Variants in GRM8 observed in about 807,000 individuals in gnomAD.
The protein encoded by GRM8 is metabotropic glutamate receptor 8.
GRM8 carries 47 observed loss-of-function variants against 87.2 expected under a neutral mutation model. That is an observed-to-expected ratio of 0.54 (90% CI 0.43 to 0.69). The LOEUF is 0.69. GRM8 is among the 30% of genes least tolerant of loss of function. The probability of loss-of-function intolerance (pLI) is 0.00; values close to 1 mark genes in which losing one functional copy is unlikely to be tolerated. For synonymous variants in GRM8, 396 were observed against 404.5 expected (o/e 0.98, Z 0.25); for missense variants, 1,019 against 1,139.2 (o/e 0.89, Z 1.52).
intron 6 of GRM8, among the ~76,000 whole-genome samples, chr7:126,800,230 T>A (rs1001547114): frequency 6.6e-6 from 1 of 152,098 alleles, no homozygotes; most frequent in South Asian, 2.1e-4. Flanking sequence ...TCTCATCATA[T>A]CCTAATGCAT....
chr7:126,847,475 T>A (rs751495303), intron 6 of GRM8, among the ~76,000 whole-genome samples: 11 of 152,150 alleles, frequency 7.2e-5, no homozygotes, highest in Non-Finnish European at 7.4e-5. Context: ...AGTAGATAGA[T>A]CATCCCTGTT....
intron 2 of GRM8, among the ~76,000 whole-genome samples, chr7:127,132,173 A>C (rs1827724050): frequency 6.6e-6 from 1 of 152,162 alleles, no homozygotes; most frequent in Non-Finnish European, 1.5e-5. Flanking sequence ...TGTTAGAAAA[A>C]ATAAAGTTAA....
intron 3 of GRM8, among the ~76,000 whole-genome samples, chr7:127,092,653 G>A (rs572861727): frequency 6.6e-6 from 1 of 152,330 alleles, no homozygotes; most frequent in South Asian, 2.1e-4. Context: ...ATTGCAGTGA[G>A]CCAAGGTTGT....
rs74879640 is a variant in GRM8 at position 126,805,437 on chromosome 7, G to A, written c.1157-35372C>T. Among the ~76,000 whole-genome samples the A allele has an allele frequency of 6.0e-3, 920 of 152,298 alleles. 8 individuals are homozygous for A. The highest frequency in any genetic ancestry group is 0.021 in the African/African-American group (881 of 41,554). On this transcript the variant is annotated intron_variant, in intron 6 of 10. Transcript: ENST00000339582. Reference sequence around the variant, plus strand: ...GATGGTGGCTGATTCCCTTGCTGTAGCAAGCTGTGTGTGAATACCTCCACT... The same window carrying A: ...GATGGTGGCTGATTCCCTTGCTGTAACAAGCTGTGTGTGAATACCTCCACT...
In GRM8 at chr7:126,566,855, G is replaced by T. The variant is rs144563463; in HGVS notation, c.1495-32968C>A. On this transcript the variant is annotated intron_variant, in intron 8 of 10. Transcript: ENST00000339582. ...TGAAATATTATTTATCTTTTTTAAAGAGGAAATTCCGCAATATGTGACAAC... is the reference window on the plus strand; with the variant it reads ...TGAAATATTATTTATCTTTTTTAAATAGGAAATTCCGCAATATGTGACAAC... Among the ~76,000 whole-genome samples the T allele has an allele frequency of 4.0e-3, 607 of 152,258 alleles. 3 individuals carry two copies. The highest frequency in any genetic ancestry group is 6.0e-3 in the Non-Finnish European group (407 of 68,002).
chr7:126,657,748 T>C (rs149332168), intron 7 of GRM8, among the ~76,000 whole-genome samples: 2 of 152,354 alleles, frequency 1.3e-5, no homozygotes, highest in African/African-American at 4.8e-5. Context: ...GGGAATGTAC[T>C]TGAACCTTTG....
At chr7:126,490,040 A>C (rs1563064014) in intron 9 of GRM8, among the ~76,000 whole-genome samples, 1 of 151,996 alleles carries the variant, frequency 6.6e-6, no homozygotes, top group South Asian at 2.1e-4. Flanking sequence ...GAGTGACACC[A>C]TTGCCCACTG....
At chr7:126,927,344 C>T (rs1490221411) in intron 3 of GRM8, among the ~76,000 whole-genome samples, 1 of 151,896 alleles carries the variant, frequency 6.6e-6, no homozygotes, top group African/African-American at 2.4e-5. Context: ...ACTATGTCGA[C>T]TAGGTTGGTT....
chr7:126,720,443 TA>T (rs1585657600), intron 7 of GRM8, among the ~76,000 whole-genome samples: 1 of 152,178 alleles, frequency 6.6e-6, no homozygotes, highest in East Asian at 1.9e-4. Flanking sequence ...AGTTGCCTCT[TA>T]AATGAATAAG....
At chr7:126,644,416 G>A (rs558484413) in intron 7 of GRM8, among the ~76,000 whole-genome samples, 5 of 152,218 alleles carry the variant, frequency 3.3e-5, no homozygotes, top group African/African-American at 7.2e-5. Flanking sequence ...GTCTGATGCC[G>A]TGACCATATG....
chr7:126,636,435 A>C (rs1045407587), intron 7 of GRM8, among the ~76,000 whole-genome samples: 4 of 152,062 alleles, frequency 2.6e-5, no homozygotes, highest in Admixed American at 2.0e-4. Flanking sequence ...CTTATACCTA[A>C]TACAAGGTAA....
intron 9 of GRM8, among the ~76,000 whole-genome samples, chr7:126,453,233 TTG>T (rs1247267035): frequency 6.6e-6 from 1 of 151,782 alleles, no homozygotes; most frequent in East Asian, 2.0e-4. Flanking sequence ...GTCCTGAGTG[TTG>T]TGTTTCTCCT....
intron 8 of GRM8, among the ~76,000 whole-genome samples, chr7:126,576,889 C>A (rs1240000432): frequency 6.6e-6 from 1 of 152,120 alleles, no homozygotes; most frequent in Non-Finnish European, 1.5e-5. Context: ...TCTGTTGTAT[C>A]CTTTCTAGGT....
intron 3 of GRM8, among the ~76,000 whole-genome samples, chr7:126,924,294 T>C (rs1399652939): frequency 6.6e-6 from 1 of 152,180 alleles, no homozygotes; most frequent in Non-Finnish European, 1.5e-5. Context: ...TAATACCAAA[T>C]AATAAATATT....
At chr7:126,692,075 A>C (rs1460538311) in intron 7 of GRM8, among the ~76,000 whole-genome samples, 1 of 152,208 alleles carries the variant, frequency 6.6e-6, no homozygotes, top group Non-Finnish European at 1.5e-5. Context: ...AAACATGCTG[A>C]AAAGAAAGAG....
At chr7:126,704,308 C>T (rs1810253137) in intron 7 of GRM8, among the ~76,000 whole-genome samples, 1 of 152,168 alleles carries the variant, frequency 6.6e-6, no homozygotes, top group African/African-American at 2.4e-5. Flanking sequence ...CTTGTGATTT[C>T]CTATGCCTGT....
chr7:127,013,717 T>G (rs1327692525), intron 3 of GRM8, among the ~76,000 whole-genome samples: 1 of 152,148 alleles, frequency 6.6e-6, no homozygotes, highest in East Asian at 1.9e-4. Context: ...TTTAATGAGT[T>G]CTTTTTCAGG....
chr7:126,448,697 A>G (rs572594170), intron 9 of GRM8, among the ~76,000 whole-genome samples: 56 of 152,092 alleles, frequency 3.7e-4, no homozygotes, highest in African/African-American at 1.3e-3. Flanking sequence ...TTAATTATGT[A>G]CTTTCTTAAG....
At chr7:126,821,706 A>G (rs931114957) in intron 6 of GRM8, among the ~76,000 whole-genome samples, 2 of 151,642 alleles carry the variant, frequency 1.3e-5, no homozygotes, top group Non-Finnish European at 2.9e-5. Flanking sequence ...GAGTTCCCAT[A>G]TTCCCCTTAT....
Sources: allele counts gnomAD v4.1 joint callset (sites outside exome capture counted in the v4.1 genomes callset), GRCh38; gene constraint gnomAD v4.1.1; transcripts MANE v1.5; gene names NCBI Gene and HGNC (gene_info 2026-07-23, HGNC 2026-07-21).